The following SERTAD2 variants were observed in gnomAD, a reference collection of about 807,000 sequenced individuals.
The protein encoded by SERTAD2 is SERTA domain containing 2, also known as SERTA domain-containing protein 2.
A neutral mutation model predicts 15.4 loss-of-function variants in SERTAD2; 2 were observed. The ratio of observed to expected loss-of-function variants is 0.13; its 90% CI spans 0.05 to 0.41. SERTAD2 has a LOEUF of 0.41. SERTAD2 is among the 10% of genes least tolerant of loss of function. The pLI is 0.99. For missense variants in SERTAD2, 333 were observed against 409.7 expected (o/e 0.81, Z 1.62); for synonymous variants, 180 against 178.0 (o/e 1.01, Z -0.09).
rs1334838621 is a variant in SERTAD2 at position 64,636,935 on chromosome 2, A to G, written c.-4-60T>C. 4 of 1,234,766 alleles carry G rather than the reference A, an allele frequency of 3.2e-6. No individual in the cohort carries two copies. In the Admixed American group the frequency reaches 8.5e-5, roughly 26 times the overall value. The allele number at this position is 1,234,766 out of a possible 1,614,324, so 76.5% of individuals were successfully genotyped here. ...ACATGAAAGCTGATTTCTCCCATAA[A>G]AAAAGAGACTGATTTAGAGGGCAGG... On this transcript the variant is annotated intron_variant, in intron 1 of 1. Coordinates refer to ENST00000313349, the MANE Select transcript of SERTAD2 (RefSeq NM_014755.3).
chr2:64,639,480 C>A (rs1674725402), intron 1 of SERTAD2, among the ~76,000 whole-genome samples: 1 of 152,210 alleles, frequency 6.6e-6, no homozygotes, highest in Non-Finnish European at 1.5e-5. Flanking sequence ...TTGAGAAGCA[C>A]TGTCCGTAAG....
At chr2:64,646,306 C>T (rs1489883508) in intron 1 of SERTAD2, 1 of 152,104 alleles carries the variant, frequency 6.6e-6, no homozygotes, top group Non-Finnish European at 1.5e-5. Context: ...TTAAAAACCA[C>T]AGCACGCCAA....
At position 64,653,892 on chromosome 2, in the gene SERTAD2, C is replaced by G. The variant is rs1342664525; in HGVS notation, c.-277G>C. Reference sequence around the variant, plus strand: ...GACCGAGCGAGCGGTACGTCGTGCTCCAGCACTCGCCGTGCAGGAGTGACG... The same window carrying G: ...GACCGAGCGAGCGGTACGTCGTGCTGCAGCACTCGCCGTGCAGGAGTGACG... On this transcript the variant is annotated 5_prime_UTR_variant, in exon 1 of 2. Transcript: ENST00000313349. 3 of 151,156 alleles carry G rather than the reference C, an allele frequency of 2.0e-5. No homozygotes were observed. The highest frequency in any genetic ancestry group is 4.4e-5 in the Non-Finnish European group (3 of 67,494). 9.4% of individuals were successfully genotyped at this position (151,156 alleles called of 1,614,324 possible). A position where few individuals can be genotyped will look rare whatever the true frequency, so the allele number is the denominator to read the frequency against.
At chr2:64,640,675 G>T (rs986488964) in intron 1 of SERTAD2, among the ~76,000 whole-genome samples, 2 of 152,074 alleles carry the variant, frequency 1.3e-5, no homozygotes, top group Non-Finnish European at 2.9e-5. Context: ...CGAAAGGGGG[G>T]CCTGTGACCC....
At chr2:64,649,872 C>T (rs1674973851) in intron 1 of SERTAD2, among the ~76,000 whole-genome samples, 1 of 152,160 alleles carries the variant, frequency 6.6e-6, no homozygotes, top group Non-Finnish European at 1.5e-5. Flanking sequence ...GGAGGTGGGC[C>T]GGGCACACTC....
At chr2:64,649,035 A>G (rs1674957936) in intron 1 of SERTAD2, among the ~76,000 whole-genome samples, 1 of 152,206 alleles carries the variant, frequency 6.6e-6, no homozygotes, top group East Asian at 1.9e-4. Flanking sequence ...AAAGAAGGAA[A>G]GAAATCTGAA....
At chr2:64,645,534 T>C (rs1436615399) in intron 1 of SERTAD2, among the ~76,000 whole-genome samples, 3 of 152,254 alleles carry the variant, frequency 2.0e-5, no homozygotes, top group Non-Finnish European at 4.4e-5. Flanking sequence ...GATTTTTACA[T>C]GCTCCTATTA....
Position 64,633,276 on chromosome 2 carries a change from A to C in SERTAD2, c.*2651T>G, listed in dbSNP as rs1674577014. ...TTTATGGCAACGGTGTCAGAGTTAA[A>C]AAGCATTTGCCTGCTGTTTTTGGGG... On this transcript the variant is annotated 3_prime_UTR_variant, in exon 2 of 2. Transcript: ENST00000313349. 2 of 152,218 alleles carry C rather than the reference A, an allele frequency of 1.3e-5. No individual in the cohort carries two copies. Among genetic ancestry groups the C allele is most frequent in the African/African-American group, 4.8e-5 (2 of 41,450 alleles). The allele number at this position is 152,218 out of a possible 1,614,324, so 9.4% of individuals were successfully genotyped here. A position where few individuals can be genotyped will look rare whatever the true frequency, so the allele number is the denominator to read the frequency against.
At chr2:64,646,065 TAC>T (rs1479451430) in intron 1 of SERTAD2, among the ~76,000 whole-genome samples, 1 of 152,230 alleles carries the variant, frequency 6.6e-6, no homozygotes, top group Non-Finnish European at 1.5e-5. Flanking sequence ...AGTAGAATTA[TAC>T]AGTTTCTAAC....
intron 1 of SERTAD2, among the ~76,000 whole-genome samples, chr2:64,645,976 C>G (rs1255832011): frequency 6.6e-6 from 1 of 152,006 alleles, no homozygotes; most frequent in African/African-American, 2.4e-5. Flanking sequence ...TTTGTTTTCT[C>G]AGTTTTAAGG....
At position 64,634,377 on chromosome 2, in the gene SERTAD2, T is replaced by TGGGG. The variant is rs3832127; in HGVS notation, c.*1546_*1549dup. ...AAGTGTGTCCTGGGAGATAAGGTGA[T>TGGGG]GGGGGGGGGAATTGGGGGGAGGAGG... On this transcript the variant is annotated 3_prime_UTR_variant, in exon 2 of 2. Transcript: ENST00000313349. The TGGGG allele has an allele frequency of 1.1e-5, 1 of 87,936 alleles. No individual in the cohort carries two copies. The allele number at this position is 87,936 out of a possible 1,614,324, so 5.4% of individuals were successfully genotyped here. A position where few individuals can be genotyped will look rare whatever the true frequency, so the allele number is the denominator to read the frequency against.
At position 64,634,076 on chromosome 2, in the gene SERTAD2, G is replaced by A. The variant is rs917798132; in HGVS notation, c.*1851C>T. On this transcript the variant is annotated 3_prime_UTR_variant, in exon 2 of 2. Coordinates refer to ENST00000313349, the MANE Select transcript of SERTAD2 (RefSeq NM_014755.3). ...TCCATGGCAAGAAGTGAGCAGAATT[G>A]GTGACTGAATATTGACAAATGACCA... 6.6e-5 allele frequency: 10 copies of A among 152,348 alleles called. No individual in the cohort carries two copies. The highest frequency in any genetic ancestry group is 7.4e-5 in the Non-Finnish European group (5 of 68,004). The allele number at this position is 152,348 out of a possible 1,614,324, so 9.4% of individuals were successfully genotyped here.
chr2:64,653,282 G>C (rs1420334998), intron 1 of SERTAD2, among the ~76,000 whole-genome samples: 1 of 152,142 alleles, frequency 6.6e-6, no homozygotes, highest in African/African-American at 2.4e-5. Flanking sequence ...GCCACAACGC[G>C]CACACACATC....
intron 1 of SERTAD2, among the ~76,000 whole-genome samples, chr2:64,651,199 T>C (rs771166617): frequency 1.3e-4 from 20 of 152,222 alleles, no homozygotes; most frequent in Non-Finnish European, 1.6e-4. Context: ...TTTTTTTCTG[T>C]GCTTTTTAAC....
chr2:64,640,753 C>CA (rs1674758771), intron 1 of SERTAD2, among the ~76,000 whole-genome samples: 1 of 152,080 alleles, frequency 6.6e-6, no homozygotes, highest in South Asian at 2.1e-4. Context: ...TGGTGAAGAC[C>CA]AAAGCCTAAA....
chr2:64,635,809 TA>T lies in SERTAD2; in HGVS notation c.*117del. On this transcript the variant is annotated 3_prime_UTR_variant, in exon 2 of 2. Coordinates refer to ENST00000313349, the MANE Select transcript of SERTAD2 (RefSeq NM_014755.3). ...AGCAAAAACTAGTGTGATCCTGTTG[TA>T]AAATTTTCTTTTTCTCTGAAAAAGG... 1 of 783,638 alleles carries T rather than the reference TA, an allele frequency of 1.3e-6. No individual in the cohort carries two copies. The allele number at this position is 783,638 out of a possible 1,614,324, so 48.5% of individuals were successfully genotyped here.
intron 1 of SERTAD2, among the ~76,000 whole-genome samples, chr2:64,651,110 AGCTTTTTC>A (rs1675000310): frequency 6.6e-6 from 1 of 152,210 alleles, no homozygotes; most frequent in Non-Finnish European, 1.5e-5. Context: ...ATCTATATAT[AGCTTTTTC>A]CACAGGTAAT....
chr2:64,653,302 G>C (rs1355198262), intron 1 of SERTAD2, among the ~76,000 whole-genome samples: 1 of 152,146 alleles, frequency 6.6e-6, no homozygotes, highest in Non-Finnish European at 1.5e-5. Context: ...CCCAGCTGTA[G>C]AGGCGACAGC....
At position 64,635,472 on chromosome 2, in the gene SERTAD2, C is replaced by A. The variant is rs770178774; in HGVS notation, c.*455G>T. On this transcript the variant is annotated 3_prime_UTR_variant, in exon 2 of 2. Transcript: ENST00000313349. The stretch of plus-strand genomic sequence containing the variant: ...CTCTAAAAAGGCCGAATTGCCAAGT[C>A]AACCTATACAGGGCAAAAATGCCAG... 1 of 153,592 alleles carries A rather than the reference C, an allele frequency of 6.5e-6. No individual in the cohort carries two copies. The highest frequency in any genetic ancestry group is 1.5e-5 in the Non-Finnish European group (1 of 68,694). The allele number at this position is 153,592 out of a possible 1,614,324, so 9.5% of individuals were successfully genotyped here.
Sources: gnomAD v4.1 joint callset for allele counts (sites outside exome capture counted in the v4.1 genomes callset) on GRCh38, gnomAD v4.1.1 for gene constraint, MANE v1.5 for transcripts, NCBI Gene and HGNC (gene_info 2026-07-23, HGNC 2026-07-21) for gene names.